CHL1: variants seen among roughly 807,000 people sequenced by gnomAD.
CHL1 encodes neural cell adhesion molecule L1-like protein.
In CHL1, 96 loss-of-function variants were observed where a neutral mutation model predicts 141.9. The ratio of observed to expected loss-of-function variants is 0.68; its 90% CI spans 0.57 to 0.80. The LOEUF (loss-of-function observed/expected upper bound fraction) is 0.80. Among genes scored for constraint, CHL1 ranks in the 30% least tolerant of loss-of-function variants. The pLI is 0.00. For missense variants in CHL1, 1,820 were observed against 1,457.2 expected, an observed-to-expected ratio of 1.25 and a Z score of -4.05; for synonymous variants, 613 against 502.2, an observed-to-expected ratio of 1.22 and a Z score of -2.95.
intron 1 of CHL1, among the ~76,000 whole-genome samples, chr3:242,604 TAAATA>T (rs71619440): frequency 3.2e-4 from 34 of 106,712 alleles, no homozygotes; most frequent in East Asian, 1.9e-3. Context: ...TCAAAATAAA[TAAATA>T]AAATAAAATA....
chr3:259,515 T>A (rs1230574902), intron 2 of CHL1, among the ~76,000 whole-genome samples: 1 of 152,210 alleles, frequency 6.6e-6, no homozygotes, highest in Non-Finnish European at 1.5e-5. Flanking sequence ...TTTTCAAAGT[T>A]TGGTCCTTGA....
At chr3:349,654 T>C (rs781221942) in intron 10 of CHL1, 111 bp downstream of exon 10, 5 of 925,694 alleles carry the variant, frequency 5.4e-6, no homozygotes, top group Non-Finnish European at 8.3e-6. Context: ...CAGTTTCAAC[T>C]TTTAATTGTA....
At chr3:351,329 G>A (rs1211975649) in intron 10 of CHL1, among the ~76,000 whole-genome samples, 1 of 152,146 alleles carries the variant, frequency 6.6e-6, no homozygotes, top group East Asian at 1.9e-4. Context: ...ATGTTTTTAT[G>A]AAGAACTTTT....
At chr3:330,331 A>T (rs1261890209) in intron 5 of CHL1, among the ~76,000 whole-genome samples, 1 of 152,124 alleles carries the variant, frequency 6.6e-6, no homozygotes, top group African/African-American at 2.4e-5. Context: ...AATGCAGTGA[A>T]AGCATTATTT....
intron 25 of CHL1, among the ~76,000 whole-genome samples, chr3:398,755 T>C (rs1708880286): frequency 1.3e-5 from 2 of 152,210 alleles, no homozygotes; most frequent in African/African-American, 2.4e-5. Flanking sequence ...TGAGTTTAAC[T>C]TCATCTGCCT....
chr3:343,044 C>T lies in CHL1; in HGVS notation c.727+13C>T, dbSNP rs764439905. On this transcript the variant is annotated intron_variant, in intron 8 of 27. Transcript: ENST00000256509. ...ATTGGTTCCAAGGGTAAGTTGAACC[C>T]ATGTGGAGTGTTGGCATTTGTGTAT... is the stretch of plus-strand genomic sequence containing the variant. The T allele has an allele frequency of 9.4e-6, 15 of 1,600,052 alleles. No homozygotes were observed. The highest frequency in any genetic ancestry group is 6.0e-6 in the Non-Finnish European group (7 of 1,173,788).
At chr3:350,695 C>A (rs1463585587) in intron 10 of CHL1, among the ~76,000 whole-genome samples, 1 of 151,922 alleles carries the variant, frequency 6.6e-6, no homozygotes, top group East Asian at 1.9e-4. Flanking sequence ...TGGAATAACA[C>A]TGCATTTCCA....
intron 27 of CHL1, among the ~76,000 whole-genome samples, chr3:403,988 A>T (rs892301634): frequency 6.6e-6 from 1 of 152,160 alleles, no homozygotes; most frequent in Non-Finnish European, 1.5e-5. Flanking sequence ...TCAAGAGCCA[A>T]TTATCGTATC....
intron 1 of CHL1, among the ~76,000 whole-genome samples, chr3:230,083 T>C (rs187346359): frequency 6.6e-6 from 1 of 152,200 alleles, no homozygotes; most frequent in Non-Finnish European, 1.5e-5. Flanking sequence ...AGTGACAAAC[T>C]GGCCCCCACT....
intron 2 of CHL1, among the ~76,000 whole-genome samples, chr3:287,740 A>G (rs1327694046): frequency 6.6e-6 from 1 of 151,874 alleles, no homozygotes; most frequent in African/African-American, 2.4e-5. Flanking sequence ...ATGGTAGCAG[A>G]TAGATACATT....
Position 361,683 on chromosome 3 carries a change from T to C in CHL1, c.1307-16T>C. ...CCACAAAAGTTTAAAACTGCGTTTATGTTATTTTCAAATAGATGTCCGTCC... is the reference window on the plus strand; with the variant it reads ...CCACAAAAGTTTAAAACTGCGTTTACGTTATTTTCAAATAGATGTCCGTCC... On this transcript the variant is annotated splice_polypyrimidine_tract_variant and intron_variant, in intron 12 of 27. Transcript: ENST00000256509. The C allele has an allele frequency of 6.4e-7, 1 of 1,568,988 alleles. No homozygotes were observed. The highest frequency in any genetic ancestry group is 8.8e-7 in the Non-Finnish European group (1 of 1,139,376).
intron 2 of CHL1, among the ~76,000 whole-genome samples, chr3:264,667 A>G (rs1037015574): frequency 6.6e-6 from 1 of 152,222 alleles, no homozygotes; most frequent in Non-Finnish European, 1.5e-5. Flanking sequence ...AATACTCACA[A>G]TCTAACTCTT....
intron 1 of CHL1, among the ~76,000 whole-genome samples, chr3:200,435 T>A (rs1698813940): frequency 6.6e-6 from 1 of 152,200 alleles, no homozygotes; most frequent in African/African-American, 2.4e-5. Flanking sequence ...CTATATTATC[T>A]GATTCAGTCA....
chr3:245,937 T>G (rs1693121209), intron 2 of CHL1, among the ~76,000 whole-genome samples: 1 of 152,126 alleles, frequency 6.6e-6, no homozygotes, highest in South Asian at 2.1e-4. Flanking sequence ...CAAGAGGGGT[T>G]CTCCATACAG....
Position 394,738 on chromosome 3 carries a change from C to T in CHL1, c.2960C>T (p.Thr987Ile). The part of the protein sequence containing the change: ...EIGELNDINI[T>I]TPSKPSWHLS... ...GGAGAATTAAATGATATTAACATTA[C>T]AACTCCATCAAAGCCCAGCTGGCAC... Residue 987 changes from threonine to isoleucine, a missense_variant, in exon 24 of 28, where the codon ACA becomes ATA. Transcript: ENST00000256509. 2 of 1,613,564 alleles carry T rather than the reference C, an allele frequency of 1.2e-6. No individual in the cohort carries two copies. The highest frequency in any genetic ancestry group is 1.7e-6 in the Non-Finnish European group (2 of 1,179,686).
chr3:356,161 T>TA (rs1392702374), intron 11 of CHL1, among the ~76,000 whole-genome samples: 1 of 151,982 alleles, frequency 6.6e-6, no homozygotes, highest in Non-Finnish European at 1.5e-5. Flanking sequence ...GGGAACAGAA[T>TA]AAAAAATGAA....
chr3:207,430 G>A (rs1022591597), intron 1 of CHL1, among the ~76,000 whole-genome samples: 3 of 152,136 alleles, frequency 2.0e-5, no homozygotes, highest in Admixed American at 6.5e-5. Context: ...TAAATTCAAG[G>A]ATTTTTCTAA....
At chr3:320,379 A>G (rs571688093) in intron 3 of CHL1, among the ~76,000 whole-genome samples, 60 of 152,212 alleles carry the variant, frequency 3.9e-4, no homozygotes, top group Middle Eastern at 6.8e-3. Context: ...TTACGGCATT[A>G]TATAGTGTGA....
intron 2 of CHL1, among the ~76,000 whole-genome samples, chr3:265,598 G>T (rs1244281844): frequency 2.0e-5 from 3 of 152,168 alleles, no homozygotes; most frequent in African/African-American, 7.2e-5. Flanking sequence ...GTAAAGAGAA[G>T]GGGTAGGACT....
Sources: gnomAD v4.1 joint callset for allele counts (sites outside exome capture counted in the v4.1 genomes callset) on GRCh38, gnomAD v4.1.1 for gene constraint, MANE v1.5 for transcripts, NCBI Gene and HGNC (gene_info 2026-07-23, HGNC 2026-07-21) for gene names.